Variants in AGMO observed in about 807,000 individuals in gnomAD.
AGMO encodes glyceryl-ether monooxygenase.
In AGMO, 75 loss-of-function variants were observed where a neutral mutation model predicts 60.2. The observed-to-expected ratio is 1.25, with a 90% CI of 1.03 to 1.51. The LOEUF is 1.51. AGMO is among the 40% of genes most tolerant of loss of function. AGMO has a pLI of 0.00. For synonymous variants in AGMO, 261 were observed against 177.1 expected, an observed-to-expected ratio of 1.47 and a Z score of -3.76; for missense variants, 763 against 525.5, an observed-to-expected ratio of 1.45 and a Z score of -4.42.
At chr7:15,479,235 A>T (rs1782684025) in intron 3 of AGMO, among the ~76,000 whole-genome samples, 2 of 152,182 alleles carry the variant, frequency 1.3e-5, no homozygotes, top group Admixed American at 1.3e-4. Flanking sequence ...GTGATAACAG[A>T]GTTGAAGGTG....
At chr7:15,381,368 G>C (rs1029214076) in intron 10 of AGMO, among the ~76,000 whole-genome samples, 2 of 151,454 alleles carry the variant, frequency 1.3e-5, no homozygotes, top group African/African-American at 4.9e-5. Flanking sequence ...AGTGGGCGAA[G>C]AACACGAACC....
At chr7:15,299,807 G>C (rs1784508857) in intron 12 of AGMO, among the ~76,000 whole-genome samples, 1 of 149,522 alleles carries the variant, frequency 6.7e-6, no homozygotes, top group South Asian at 2.1e-4. Context: ...CAGCCTGGGA[G>C]ACAGAGCAAG....
intron 12 of AGMO, among the ~76,000 whole-genome samples, chr7:15,266,531 G>A (rs1783437751): frequency 6.6e-6 from 1 of 151,772 alleles, no homozygotes; most frequent in Non-Finnish European, 1.5e-5. Flanking sequence ...CTACCCATAT[G>A]TCTTATTGCT....
rs554755106 is a variant in AGMO, at chr7:15,426,756, T to A, written c.513+4249A>T. Among the ~76,000 whole-genome samples, 603 of 125,080 alleles carry A rather than the reference T, an allele frequency of 4.8e-3. 4 individuals are homozygous for A. The highest frequency in any genetic ancestry group is 0.015 in the African/African-American group (559 of 38,308). The allele number at this position is 125,080 out of a possible 152,430, so 82.1% of individuals were successfully genotyped here. ...GAGTGACAATTTGTCAAAAAAAAAA[T>A]TTTTTTTTTGGAAGGATAGAACAAT... On this transcript the variant is annotated intron_variant, in intron 4 of 12. Transcript: ENST00000342526.
chr7:15,365,381 A>AAAAAAAAAAAAAAAAAAAAAG (rs1782933391), intron 12 of AGMO, 133 bp downstream of exon 12: 3 of 90,342 alleles, frequency 3.3e-5, no homozygotes, highest in African/African-American at 2.1e-4. Context: ...ACTGGTAAGT[A>AAAAAAAAAAAAAAAAAAAAAG]AAAAAAAAAA....
At chr7:15,407,158 GT>G (rs1784726544) in intron 5 of AGMO, among the ~76,000 whole-genome samples, 1 of 146,492 alleles carries the variant, frequency 6.8e-6, no homozygotes, top group African/African-American at 2.5e-5. Flanking sequence ...ATATGTATAT[GT>G]GATCCTAAAA....
intron 3 of AGMO, among the ~76,000 whole-genome samples, chr7:15,450,173 T>G (rs889293163): frequency 4.3e-4 from 65 of 152,056 alleles, no homozygotes; most frequent in Non-Finnish European, 8.2e-4. Flanking sequence ...GTAATCCCAG[T>G]GCTTTGGGAG....
chr7:15,412,033 C>T (rs1245545431), intron 5 of AGMO, among the ~76,000 whole-genome samples: 1 of 152,130 alleles, frequency 6.6e-6, no homozygotes, highest in Admixed American at 6.6e-5. Context: ...ATCCTGCTAC[C>T]ACTCTATTGC....
intron 2 of AGMO, among the ~76,000 whole-genome samples, chr7:15,550,816 A>G (rs1353640026): frequency 7.1e-6 from 1 of 140,522 alleles, no homozygotes; most frequent in African/African-American, 2.7e-5. Context: ...AACTCATTTT[A>G]TGAGGCCAGC....
intron 12 of AGMO, among the ~76,000 whole-genome samples, chr7:15,354,419 TATAC>T (rs1161310202): frequency 0.32 from 3,994 of 12,640 alleles, 564 homozygotes; most frequent in Non-Finnish European, 0.36. Flanking sequence ...CACGTGTGTG[TATAC>T]ACACACGTGT....
chr7:15,494,615 G>C (rs970889106), intron 3 of AGMO, among the ~76,000 whole-genome samples: 2 of 152,140 alleles, frequency 1.3e-5, no homozygotes, highest in African/African-American at 4.8e-5. Flanking sequence ...TGTGGTTGGA[G>C]CTTTAAGTAG....
chr7:15,497,202 A>G (rs1783255933), intron 3 of AGMO, among the ~76,000 whole-genome samples: 1 of 152,104 alleles, frequency 6.6e-6, no homozygotes, highest in South Asian at 2.1e-4. Context: ...CAACAACCCT[A>G]TCATTCCTAT....
the AGMO span, among the ~76,000 whole-genome samples, chr7:15,129,491 C>G: frequency 6.6e-6 from 1 of 151,946 alleles, no homozygotes; most frequent in Non-Finnish European, 1.5e-5. Flanking sequence ...TCATTCTGAC[C>G]AATTTAGTAT....
chr7:15,555,360 G>A (rs539949927), intron 2 of AGMO, among the ~76,000 whole-genome samples: 1 of 147,932 alleles, frequency 6.8e-6, no homozygotes, highest in Non-Finnish European at 1.5e-5. Flanking sequence ...GTGAGAGAGA[G>A]AAATTTTTCT....
chr7:15,431,157 A>C lies in AGMO; in HGVS notation c.410-49T>G, dbSNP rs192591949. On this transcript the variant is annotated intron_variant, in intron 3 of 12. Transcript: ENST00000342526. ...GAGCCATGAGAATAAGAACAAAGCA[A>C]CTTCCATTTTCAGTTATGCATGCTG... The C allele has an allele frequency of 2.3e-4, 319 of 1,380,858 alleles. No individual in the cohort carries two copies. The African/African-American group carries it at 4.1e-3, about 18-fold the overall frequency. The allele number at this position is 1,380,858 out of a possible 1,614,324, so 85.5% of individuals were successfully genotyped here. A position where few individuals can be genotyped will look rare whatever the true frequency, so the allele number is the denominator to read the frequency against.
intron 3 of AGMO, among the ~76,000 whole-genome samples, chr7:15,432,170 G>C (rs1309050619): frequency 1.3e-5 from 2 of 151,302 alleles, no homozygotes; most frequent in African/African-American, 4.9e-5. Flanking sequence ...TTTTAGGCTT[G>C]GATGTATAGG....
chr7:15,526,360 T>C (rs962100365), intron 3 of AGMO, among the ~76,000 whole-genome samples: 2 of 152,238 alleles, frequency 1.3e-5, no homozygotes, highest in African/African-American at 4.8e-5. Flanking sequence ...ACATTTCTTT[T>C]TGCTGACTCC....
chr7:15,459,463 CCTGCCCT>C (rs1782079943), intron 3 of AGMO, among the ~76,000 whole-genome samples: 1 of 152,086 alleles, frequency 6.6e-6, no homozygotes, highest in Non-Finnish European at 1.5e-5. Context: ...GCTCTCATTT[CCTGCCCT>C]CTCCCCAGGG....
chr7:15,410,884 A>G (rs1780572249), intron 5 of AGMO, among the ~76,000 whole-genome samples: 1 of 151,854 alleles, frequency 6.6e-6, no homozygotes, highest in South Asian at 2.1e-4. Context: ...TTTAATTGTT[A>G]GATTGAAATA....
Sources: allele counts gnomAD v4.1 joint callset (sites outside exome capture counted in the v4.1 genomes callset), GRCh38; gene constraint gnomAD v4.1.1; transcripts MANE v1.5; gene names NCBI Gene and HGNC (gene_info 2026-07-23, HGNC 2026-07-21).